Variants in VRK2 observed in about 807,000 individuals in gnomAD.
The protein encoded by VRK2 is serine/threonine-protein kinase VRK2.
A neutral mutation model predicts 57.6 loss-of-function variants in VRK2; 60 were observed. That is an observed-to-expected ratio of 1.04 (90% CI 0.85 to 1.29). The LOEUF is 1.29. Ranked by LOEUF, VRK2 falls within the 50% of genes most tolerant of loss-of-function variation. VRK2 has a pLI of 0.00. For synonymous variants in VRK2, 231 were observed against 199.2 expected, an observed-to-expected ratio of 1.16 and a Z score of -1.35; for missense variants, 705 against 588.1, an observed-to-expected ratio of 1.20 and a Z score of -2.06.
chr2:58,127,854 A>C (rs373997470), intron 8 of VRK2, among the ~76,000 whole-genome samples: 1 of 152,202 alleles, frequency 6.6e-6, no homozygotes, highest in South Asian at 2.1e-4. Context: ...AAATAAACAG[A>C]AAACACTTTA....
At chr2:58,030,865 A>G (rs1674091251) in intron 2 of VRK2, among the ~76,000 whole-genome samples, 1 of 152,040 alleles carries the variant, frequency 6.6e-6, no homozygotes, top group South Asian at 2.1e-4. Context: ...TCTTTGGAAC[A>G]CTCATGCTTT....
chr2:58,153,313 T>G (rs1285007355), intron 12 of VRK2, among the ~76,000 whole-genome samples: 1 of 152,072 alleles, frequency 6.6e-6, no homozygotes, highest in African/African-American at 2.4e-5. Flanking sequence ...TTTCCAGTTT[T>G]TGTCCATTCA....
intron 1 of VRK2, among the ~76,000 whole-genome samples, chr2:57,975,227 G>C (rs1490997939): frequency 6.6e-6 from 1 of 151,740 alleles, no homozygotes; most frequent in East Asian, 1.9e-4. Context: ...TTAATACCAA[G>C]GTATTCATAT....
At position 58,093,234 on chromosome 2, in the gene VRK2, G is replaced by A. The variant is rs181465330; in HGVS notation, c.543+3511G>A. Among the ~76,000 whole-genome samples the A allele has an allele frequency of 4.9e-4, 75 of 152,252 alleles. 2 individuals carry two copies. Among genetic ancestry groups the A allele is most frequent in the Middle Eastern group, 6.8e-3 (2 of 294 alleles). ...TCTAGTTCTAGATCCCTGAGGAATCGCCACACCGACTTCCACAATGGTTGA... is the reference window on the plus strand; with the variant it reads ...TCTAGTTCTAGATCCCTGAGGAATCACCACACCGACTTCCACAATGGTTGA... On this transcript the variant is annotated intron_variant, in intron 7 of 12. Coordinates refer to ENST00000340157, the MANE Select transcript of VRK2 (RefSeq NM_006296.7).
intron 1 of VRK2, among the ~76,000 whole-genome samples, chr2:58,009,958 A>G (rs1203291642): frequency 1.3e-5 from 2 of 152,102 alleles, no homozygotes; most frequent in African/African-American, 2.4e-5. Flanking sequence ...CTTAATGTCC[A>G]CTAGGACACC....
chr2:57,944,866 C>G (rs1475389270), intron 1 of VRK2, among the ~76,000 whole-genome samples: 1 of 151,612 alleles, frequency 6.6e-6, no homozygotes, highest in African/African-American at 2.4e-5. Flanking sequence ...AGAAGAAAAA[C>G]GTGGAGCAGT....
chr2:58,064,859 CAT>C (rs1271398810), intron 2 of VRK2, among the ~76,000 whole-genome samples: 2 of 151,708 alleles, frequency 1.3e-5, no homozygotes, highest in Admixed American at 6.6e-5. Context: ...ATTAAGAAAA[CAT>C]AAACATTTTT....
At chr2:58,093,617 C>T (rs1672694001) in intron 7 of VRK2, among the ~76,000 whole-genome samples, 1 of 152,108 alleles carries the variant, frequency 6.6e-6, no homozygotes, top group Non-Finnish European at 1.5e-5. Flanking sequence ...TGTAGGTTGC[C>T]TGTTCACTCT....
intron 1 of VRK2, among the ~76,000 whole-genome samples, chr2:57,993,310 G>A (rs911645260): frequency 2.0e-5 from 3 of 152,076 alleles, no homozygotes; most frequent in Non-Finnish European, 2.9e-5. Context: ...AAAAGTAAAA[G>A]GAAGACTCTA....
In VRK2 at chr2:58,058,554, A is replaced by G. The variant is rs572195113; in HGVS notation, c.136+9587A>G. On this transcript the variant is annotated intron_variant, in intron 2 of 12. Transcript: ENST00000340157. Reference sequence around the variant, plus strand: ...TTACCAAAGTCTCACTGATGAGGCCATGAACATAGAACACAGAAAAGTAAA... The same window carrying G: ...TTACCAAAGTCTCACTGATGAGGCCGTGAACATAGAACACAGAAAAGTAAA... 4.1e-5 allele frequency: 14 copies of G among 341,936 alleles called. No individual in the cohort carries two copies. In the East Asian group the frequency reaches 1.0e-3, roughly 25 times the overall value. The allele number at this position is 341,936 out of a possible 1,614,324, so 21.2% of individuals were successfully genotyped here. A position where few individuals can be genotyped will look rare whatever the true frequency, so the allele number is the denominator to read the frequency against.
At chr2:57,967,632 C>G (rs1671965034) in intron 1 of VRK2, among the ~76,000 whole-genome samples, 1 of 151,802 alleles carries the variant, frequency 6.6e-6, no homozygotes, top group African/African-American at 2.4e-5. Context: ...GACCTACGTT[C>G]TAGTGTTTTA....
At chr2:58,047,299 C>A (rs920999442) in intron 1 of VRK2, 10 of 500,502 alleles carry the variant, frequency 2.0e-5, no homozygotes, top group Middle Eastern at 9.9e-4. Context: ...GGTTGGAGGT[C>A]AGCCCAGGCA....
chr2:57,910,612 A>C (rs1444508652), intron 1 of VRK2, among the ~76,000 whole-genome samples: 1 of 152,084 alleles, frequency 6.6e-6, no homozygotes, highest in Non-Finnish European at 1.5e-5. Flanking sequence ...GTGTTTCTTT[A>C]TAATGTTGCC....
intron 2 of VRK2, among the ~76,000 whole-genome samples, chr2:58,069,683 A>C (rs1287223720): frequency 6.6e-6 from 1 of 152,148 alleles, no homozygotes; most frequent in Non-Finnish European, 1.5e-5. Context: ...CGCCACTGTC[A>C]TCACCACAGA....
chr2:57,929,963 C>T (rs967226681), intron 1 of VRK2, among the ~76,000 whole-genome samples: 5 of 151,964 alleles, frequency 3.3e-5, no homozygotes, highest in African/African-American at 1.2e-4. Context: ...TTTACTCTTC[C>T]CTCTCCTCTC....
intron 7 of VRK2, among the ~76,000 whole-genome samples, chr2:58,104,733 A>T (rs570288660): frequency 4.6e-5 from 7 of 152,094 alleles, no homozygotes; most frequent in African/African-American, 1.7e-4. Flanking sequence ...AGAACTGAAA[A>T]GGGGGCCTGA....
intron 12 of VRK2, among the ~76,000 whole-genome samples, chr2:58,156,579 GTTTTTTTTGT>G (rs982412208): frequency 2.9e-5 from 4 of 139,126 alleles, no homozygotes; most frequent in African/African-American, 1.4e-4. Context: ...GGGTGGTGGT[GTTTTTTTTGT>G]TTTGTTTTGT....
At chr2:58,000,688 C>T (rs1007662666) in intron 1 of VRK2, among the ~76,000 whole-genome samples, 14 of 152,164 alleles carry the variant, frequency 9.2e-5, no homozygotes, top group African/African-American at 3.4e-4. Context: ...ATTAGCAGCT[C>T]AGTGGTTGCC....
chr2:58,075,072 G>C (rs1005787646), intron 2 of VRK2, among the ~76,000 whole-genome samples: 1 of 152,008 alleles, frequency 6.6e-6, no homozygotes, highest in African/African-American at 2.4e-5. Flanking sequence ...AGGCGCCGTT[G>C]TCTTTTGTTC....
Sources: gnomAD v4.1 joint callset for allele counts (sites outside exome capture counted in the v4.1 genomes callset) on GRCh38, gnomAD v4.1.1 for gene constraint, MANE v1.5 for transcripts, NCBI Gene and HGNC (gene_info 2026-07-23, HGNC 2026-07-21) for gene names.